Variants in PTGER3 observed in about 807,000 individuals in gnomAD.
PTGER3 encodes prostaglandin E receptor 3.
Under a neutral mutation model 34.7 loss-of-function variants are expected in PTGER3, and 22 were observed. That is an observed-to-expected ratio of 0.63 (90% CI 0.45 to 0.91). The LOEUF (loss-of-function observed/expected upper bound fraction) is 0.91, where lower values mean the gene tolerates loss of function less well. Ranked by LOEUF, PTGER3 falls within the 40% of genes least tolerant of loss-of-function variation. The pLI, the probability that PTGER3 is intolerant of heterozygous loss-of-function variation, is 0.00. For synonymous variants in PTGER3, 241 were observed against 230.1 expected (o/e 1.05, Z -0.43); for missense variants, 468 against 519.4 (o/e 0.90, Z 0.96).
chr1:70,928,699 G>T (rs924782513), intron 4 of PTGER3, among the ~76,000 whole-genome samples: 2 of 151,968 alleles, frequency 1.3e-5, no homozygotes, highest in African/African-American at 4.8e-5. Flanking sequence ...AAAAGGAATT[G>T]GAAACCGGAG....
At chr1:70,922,377 A>C (rs1189435552) in intron 4 of PTGER3, among the ~76,000 whole-genome samples, 2 of 152,140 alleles carry the variant, frequency 1.3e-5, no homozygotes, top group Non-Finnish European at 2.9e-5. Context: ...AAAATTTATG[A>C]AAACGAATTT....
intron 4 of PTGER3, chr1:70,862,514 G>A (rs1645949331): frequency 1.9e-6 from 1 of 514,028 alleles, no homozygotes; most frequent in Admixed American, 2.4e-5. Context: ...GGGAATTAAG[G>A]GAGGACAGGG....
rs113335956 is a variant in PTGER3, at chr1:70,942,408, C to T, written c.*23+11355G>A. Among the ~76,000 whole-genome samples the T allele has an allele frequency of 4.4e-3, 665 of 152,282 alleles. 6 individuals are homozygous for T. The highest frequency in any genetic ancestry group is 0.015 in the African/African-American group (625 of 41,544). ...TCTCAGTACAAAACCTTTTATAATTCAATCCTTAATTACCTTTCCAACTTC... is the reference window on the plus strand; with the variant it reads ...TCTCAGTACAAAACCTTTTATAATTTAATCCTTAATTACCTTTCCAACTTC... On this transcript the variant is annotated intron_variant, in intron 4 of 4. Coordinates refer to the PTGER3 transcript ENST00000370931.
intron 2 of PTGER3, chr1:71,011,665 G>A: frequency 1.0e-6 from 1 of 977,102 alleles, no homozygotes; most frequent in South Asian, 4.7e-5. Flanking sequence ...TAGGTTAGGA[G>A]CTAATTTGCT....
At chr1:70,873,035 T>C (rs1646195899) in intron 4 of PTGER3, among the ~76,000 whole-genome samples, 1 of 152,236 alleles carries the variant, frequency 6.6e-6, no homozygotes, top group Non-Finnish European at 1.5e-5. Flanking sequence ...TCTGAAAGTA[T>C]TCTCTCTATC....
intron 4 of PTGER3, chr1:70,862,294 T>C: frequency 7.5e-7 from 1 of 1,324,538 alleles, no homozygotes; most frequent in South Asian, 1.2e-5. Context: ...TCTTTGGAGA[T>C]CATGACTTAC....
chr1:70,904,030 G>A (rs1179822683), intron 4 of PTGER3, among the ~76,000 whole-genome samples: 4 of 152,158 alleles, frequency 2.6e-5, no homozygotes, highest in African/African-American at 9.7e-5. Flanking sequence ...ATTGAATTAT[G>A]AGGGTGGATC....
chr1:70,980,461 T>C (rs988949436), intron 2 of PTGER3, among the ~76,000 whole-genome samples: 1 of 151,974 alleles, frequency 6.6e-6, no homozygotes, highest in East Asian at 1.9e-4. Context: ...CCCTATAAGA[T>C]TGTTGGTGGA....
intron 2 of PTGER3, among the ~76,000 whole-genome samples, chr1:70,956,907 A>G (rs1190234292): frequency 6.6e-6 from 1 of 152,142 alleles, no homozygotes; most frequent in Admixed American, 6.6e-5. Flanking sequence ...AGGCAGGAGA[A>G]TCGCTTGAGC....
chr1:70,967,479 T>A (rs1270244141), downstream of PTGER3, among the ~76,000 whole-genome samples: 2 of 152,036 alleles, frequency 1.3e-5, no homozygotes, highest in African/African-American at 4.8e-5. Flanking sequence ...GTAAAAAAAA[T>A]TCAGATAATG....
chr1:70,967,596 G>A (rs919547713), downstream of PTGER3, among the ~76,000 whole-genome samples: 2 of 152,034 alleles, frequency 1.3e-5, no homozygotes, highest in Non-Finnish European at 2.9e-5. Flanking sequence ...GATATTTTTA[G>A]TATGGCAATT....
At chr1:70,957,659 G>A (rs992207003) in intron 2 of PTGER3, among the ~76,000 whole-genome samples, 1 of 152,154 alleles carries the variant, frequency 6.6e-6, no homozygotes, top group African/African-American at 2.4e-5. Context: ...AATTGGAGTA[G>A]TTATCATATC....
chr1:70,946,194 A>G (rs1007856173), intron 4 of PTGER3, among the ~76,000 whole-genome samples: 5 of 152,020 alleles, frequency 3.3e-5, no homozygotes, highest in Admixed American at 2.6e-4. Context: ...ACCACATATC[A>G]CTTTTATGAA....
At chr1:70,866,957 C>T (rs1001531271) in intron 4 of PTGER3, among the ~76,000 whole-genome samples, 1 of 152,208 alleles carries the variant, frequency 6.6e-6, no homozygotes, top group East Asian at 1.9e-4. Context: ...CTTACCACAT[C>T]AGAGGTGTGT....
At chr1:71,000,747 A>T (rs1656396597) in intron 2 of PTGER3, among the ~76,000 whole-genome samples, 1 of 152,188 alleles carries the variant, frequency 6.6e-6, no homozygotes, top group African/African-American at 2.4e-5. Context: ...AACTTAAGCA[A>T]ATTCAAAACT....
intron 2 of PTGER3, among the ~76,000 whole-genome samples, chr1:70,984,773 A>C (rs1279417124): frequency 4.6e-5 from 7 of 152,196 alleles, no homozygotes. Context: ...GCAAAGCCCA[A>C]GAACTCACAT....
intron 4 of PTGER3, among the ~76,000 whole-genome samples, chr1:70,861,294 AT>A (rs1435479684): frequency 6.6e-6 from 1 of 152,186 alleles, no homozygotes; most frequent in African/African-American, 2.4e-5. Flanking sequence ...GGTTTTGCTC[AT>A]TTCTAATTTT....
chr1:70,901,614 C>A (rs1646840590), intron 4 of PTGER3, among the ~76,000 whole-genome samples: 1 of 152,144 alleles, frequency 6.6e-6, no homozygotes, highest in Admixed American at 6.5e-5. Context: ...AAGGCAGTAC[C>A]TACCTTCAAA....
chr1:71,025,449 GA>G (rs1411763691), intron 1 of PTGER3, among the ~76,000 whole-genome samples: 1 of 151,508 alleles, frequency 6.6e-6, no homozygotes. Context: ...ATAGCCCAAG[GA>G]AAAAAAGAAG....
Sources: gnomAD v4.1 joint callset for allele counts (sites outside exome capture counted in the v4.1 genomes callset) on GRCh38, gnomAD v4.1.1 for gene constraint, MANE v1.5 for transcripts, NCBI Gene and HGNC (gene_info 2026-07-23, HGNC 2026-07-21) for gene names.